The following FMR1NB variants were observed in gnomAD, a reference collection of about 807,000 sequenced individuals.
FMR1NB encodes FMR1 neighbor protein.
In FMR1NB, 10 loss-of-function variants were observed where a neutral mutation model predicts 16.8. The ratio of observed to expected loss-of-function variants is 0.60; its 90% CI spans 0.37 to 1.01. The LOEUF (loss-of-function observed/expected upper bound fraction) is 1.01, where lower values mean the gene tolerates loss of function less well. Ranked by LOEUF, FMR1NB falls within the 50% of genes least tolerant of loss-of-function variation. The probability of loss-of-function intolerance (pLI) is 0.01; values close to 1 mark genes in which losing one functional copy is unlikely to be tolerated. For synonymous variants in FMR1NB, 83 were observed against 79.1 expected (o/e 1.05, Z -0.26); for missense variants, 205 against 204.8 (o/e 1.00, Z 0.00).
chrX:147,997,872 A>G (rs1312422779), intron 1 of FMR1NB, among the ~76,000 whole-genome samples: 1 of 112,783 alleles, frequency 8.9e-6, no homozygotes, highest in Non-Finnish European at 1.9e-5. Context: ...ATCACTGGTC[A>G]TTAGAGAAAT....
intron 1 of FMR1NB, among the ~76,000 whole-genome samples, chrX:147,992,189 G>T (rs1382040294): frequency 9.2e-6 from 1 of 108,361 alleles, no homozygotes; most frequent in Non-Finnish European, 1.9e-5. Context: ...CTCCCAGACG[G>T]GGTGGTGGCC....
At chrX:147,995,958 G>A (rs1410913716) in intron 1 of FMR1NB, among the ~76,000 whole-genome samples, 4 of 111,677 alleles carry the variant, frequency 3.6e-5, no homozygotes, top group Admixed American at 2.8e-4. Flanking sequence ...ACCTCTTTAG[G>A]CTTCAGTTAT....
At chrX:148,006,915 A>G (rs1184549361) in intron 3 of FMR1NB, 73 bp downstream of exon 3, 2 of 1,068,086 alleles carry the variant, frequency 1.9e-6, no homozygotes, top group African/African-American at 3.8e-5. Flanking sequence ...ATAAGTTCAT[A>G]TTTGGATTTC....
chrX:148,013,322 C>T (rs1367535628), intron 4 of FMR1NB, among the ~76,000 whole-genome samples: 4 of 111,277 alleles, frequency 3.6e-5, no homozygotes, highest in African/African-American at 1.3e-4. Context: ...TTTCTCAATT[C>T]CCATTTAATT....
chrX:148,024,546 C>A (rs1224755871), intron 4 of FMR1NB, among the ~76,000 whole-genome samples: 4 of 111,659 alleles, frequency 3.6e-5, no homozygotes, highest in South Asian at 7.5e-4. Context: ...GAGCTGGCTT[C>A]CTAGACAAGA....
At position 147,991,709 on chromosome X, in the gene FMR1NB, G is replaced by GT. The variant is rs1268937760; in HGVS notation, c.277+10030_277+10031insT. On this transcript the variant is annotated intron_variant, in intron 1 of 5. Transcript: ENST00000370467. ...AATTCTTGGGTGTTTCTCACAGAGG[G>GT]GGATTTGGCAGGGTCATGGGACAAT... is the stretch of plus-strand genomic sequence containing the variant. Among the ~76,000 whole-genome samples, 9 of 101,292 alleles carry GT rather than the reference G, an allele frequency of 8.9e-5. No homozygotes were observed. In the East Asian group the frequency reaches 2.7e-3, roughly 30 times the overall value. The allele number at this position is 101,292 out of a possible 115,157, so 88.0% of individuals were successfully genotyped here.
chrX:147,982,848 C>T (rs1381560752), intron 1 of FMR1NB, among the ~76,000 whole-genome samples: 3 of 110,808 alleles, frequency 2.7e-5, no homozygotes, highest in Non-Finnish European at 3.8e-5. Context: ...GAGCCAAGAT[C>T]GCGCCACTAC....
At chrX:147,989,409 C>T (rs1437008959) in intron 1 of FMR1NB, among the ~76,000 whole-genome samples, 1 of 111,887 alleles carries the variant, frequency 8.9e-6, no homozygotes, top group Admixed American at 9.4e-5. Flanking sequence ...TGATGCCAGC[C>T]AGAGCTCTCC....
chrX:147,986,387 C>G (rs2044476868), intron 1 of FMR1NB, among the ~76,000 whole-genome samples: 1 of 112,025 alleles, frequency 8.9e-6, no homozygotes, highest in African/African-American at 3.2e-5. Context: ...GTCATGAAGC[C>G]TTTGCCCATG....
intron 1 of FMR1NB, among the ~76,000 whole-genome samples, chrX:147,998,409 A>G (rs1453376527): frequency 9.0e-6 from 1 of 111,731 alleles, no homozygotes; most frequent in Non-Finnish European, 1.9e-5. Context: ...AACAATGAGA[A>G]CATATGGACA....
intron 4 of FMR1NB, among the ~76,000 whole-genome samples, chrX:148,010,708 G>T (rs1557189543): frequency 1.8e-5 from 2 of 111,523 alleles, no homozygotes; most frequent in Non-Finnish European, 3.8e-5. Context: ...CAAATCAGAG[G>T]TACCAAAAGC....
intron 4 of FMR1NB, among the ~76,000 whole-genome samples, chrX:148,020,899 T>C (rs781937815): frequency 8.9e-6 from 1 of 112,144 alleles, no homozygotes; most frequent in African/African-American, 3.2e-5. Context: ...CCCTGGCTAG[T>C]GTGTCAGTAG....
At chrX:147,990,660 A>G (rs958950223) in intron 1 of FMR1NB, among the ~76,000 whole-genome samples, 1 of 111,791 alleles carries the variant, frequency 8.9e-6, no homozygotes, top group Non-Finnish European at 1.9e-5. Flanking sequence ...ATTATTAACT[A>G]TAATTTCTCT....
chrX:148,003,911 A>C (rs1557188849), intron 2 of FMR1NB, among the ~76,000 whole-genome samples: 1 of 112,083 alleles, frequency 8.9e-6, no homozygotes. Context: ...GAGAAGCTTC[A>C]TATAAATTGG....
chrX:147,983,034 A>T (rs952587540), intron 1 of FMR1NB, among the ~76,000 whole-genome samples: 1 of 112,391 alleles, frequency 8.9e-6, no homozygotes, highest in African/African-American at 3.2e-5. Context: ...AACCACCCCA[A>T]ATTAAAACCC....
At chrX:148,022,586 AAAG>A (rs782294835) in intron 4 of FMR1NB, among the ~76,000 whole-genome samples, 3 of 111,687 alleles carry the variant, frequency 2.7e-5, no homozygotes, top group Non-Finnish European at 3.8e-5. Flanking sequence ...CTTTATATGA[AAAG>A]AAGAAAACCA....
intron 1 of FMR1NB, among the ~76,000 whole-genome samples, chrX:147,987,590 T>A (rs781981234): frequency 9.0e-6 from 1 of 111,638 alleles, no homozygotes. Flanking sequence ...CTGAATATCC[T>A]TGTTAATTTT....
chrX:147,996,989 A>G (rs2044545162), intron 1 of FMR1NB, among the ~76,000 whole-genome samples: 1 of 111,774 alleles, frequency 8.9e-6, no homozygotes, highest in Non-Finnish European at 1.9e-5. Context: ...TATTCTTCAT[A>G]TGAAAAATAA....
chrX:148,010,635 C>T (rs1289744936), intron 4 of FMR1NB, among the ~76,000 whole-genome samples: 1 of 111,471 alleles, frequency 9.0e-6, no homozygotes, highest in Non-Finnish European at 1.9e-5. Context: ...ATAGACACAG[C>T]AGTAAAATCA....
Sources: allele counts gnomAD v4.1 joint callset (sites outside exome capture counted in the v4.1 genomes callset), GRCh38; gene constraint gnomAD v4.1.1; transcripts MANE v1.5; gene names NCBI Gene and HGNC (gene_info 2026-07-23, HGNC 2026-07-21).